The following PRKG1 variants were observed in gnomAD, a reference collection of about 807,000 sequenced individuals.
PRKG1 encodes protein kinase cGMP-dependent 1.
PRKG1 carries 35 observed loss-of-function variants against 88.1 expected under a neutral mutation model. That is an observed-to-expected ratio of 0.40 (90% confidence interval 0.30 to 0.53). The LOEUF is 0.53. Among genes scored for constraint, PRKG1 ranks in the 20% least tolerant of loss-of-function variants. The pLI is 0.59. For missense variants in PRKG1, 540 were observed against 839.8 expected, an observed-to-expected ratio of 0.64 and a Z score of 4.41; for synonymous variants, 303 against 292.5, an observed-to-expected ratio of 1.04 and a Z score of -0.37.
intron 2 of PRKG1, 59 bp from the exon 3 acceptor site, chr10:51,467,664 G>T (rs549323274): frequency 3.6e-6 from 5 of 1,388,590 alleles, no homozygotes; most frequent in East Asian, 2.3e-5. Context: ...CATTAAAAAT[G>T]CAACAAATGA....
chr10:52,059,282 A>G lies in PRKG1; in HGVS notation c.841-3255A>G, dbSNP rs183310734. On this transcript the variant is annotated intron_variant, in intron 6 of 17. Coordinates refer to ENST00000373980, the MANE Select transcript of PRKG1 (RefSeq NM_006258.4). ...CAGTTTCTAATAAAGTTAAATAAAC[A>G]TTTACCGTATGACACAGCAATTACT... is the stretch of plus-strand genomic sequence containing the variant. Among the ~76,000 whole-genome samples, 643 of 152,064 alleles carry G rather than the reference A, an allele frequency of 4.2e-3. 1 individual carries two copies. The highest frequency in any genetic ancestry group is 5.8e-3 in the Admixed American group (89 of 15,274).
chr10:52,096,873 G>A (rs1847185696), intron 7 of PRKG1, among the ~76,000 whole-genome samples: 1 of 152,104 alleles, frequency 6.6e-6, no homozygotes. Context: ...ATGTAATATT[G>A]TAAGTTTCTG....
intron 9 of PRKG1, among the ~76,000 whole-genome samples, chr10:52,248,608 C>A (rs1043553328): frequency 6.6e-5 from 10 of 152,122 alleles, no homozygotes; most frequent in Non-Finnish European, 1.3e-4. Flanking sequence ...AATATCTTTG[C>A]ATCAAAACGT....
chr10:52,133,234 A>T (rs1169180398), intron 7 of PRKG1, among the ~76,000 whole-genome samples: 1 of 152,142 alleles, frequency 6.6e-6, no homozygotes, highest in East Asian at 1.9e-4. Context: ...GCAGTAACAA[A>T]TTAAATGCTT....
chr10:52,061,807 A>G (rs578011600), intron 6 of PRKG1, among the ~76,000 whole-genome samples: 1 of 152,106 alleles, frequency 6.6e-6, no homozygotes, highest in Non-Finnish European at 1.5e-5. Flanking sequence ...ATTTTGAGGG[A>G]TATAGTCAGT....
intron 1 of PRKG1, among the ~76,000 whole-genome samples, chr10:51,101,581 G>A (rs897306166): frequency 1.2e-4 from 18 of 152,090 alleles, no homozygotes; most frequent in African/African-American, 4.3e-4. Context: ...TTTCTAGTTA[G>A]CAATGGAAGA....
intron 2 of PRKG1, among the ~76,000 whole-genome samples, chr10:51,190,647 T>C (rs1254672697): frequency 6.6e-6 from 1 of 151,860 alleles, no homozygotes; most frequent in African/African-American, 2.4e-5. Context: ...CTCTCTTTCC[T>C]TTGTTCTTCT....
At chr10:52,210,302 C>T (rs748711565) in intron 9 of PRKG1, among the ~76,000 whole-genome samples, 33 of 151,804 alleles carry the variant, frequency 2.2e-4, no homozygotes, top group Non-Finnish European at 4.3e-4. Flanking sequence ...TGTTAAGTCT[C>T]GGCCACTAGA....
intron 2 of PRKG1, among the ~76,000 whole-genome samples, chr10:51,244,370 A>G (rs1175030214): frequency 6.8e-6 from 1 of 147,898 alleles, no homozygotes; most frequent in African/African-American, 2.5e-5. Context: ...GATTTGTTGC[A>G]GGTAGCCTGA....
At chr10:51,613,060 G>C (rs1168502266) in intron 3 of PRKG1, among the ~76,000 whole-genome samples, 1 of 151,804 alleles carries the variant, frequency 6.6e-6, no homozygotes, top group Non-Finnish European at 1.5e-5. Flanking sequence ...GTTCATTACG[G>C]TATTGGCCTG....
chr10:51,544,807 A>C (rs1470176271), intron 3 of PRKG1, among the ~76,000 whole-genome samples: 1 of 152,162 alleles, frequency 6.6e-6, no homozygotes, highest in African/African-American at 2.4e-5. Context: ...AATATCCAGA[A>C]TCTACCAAGA....
At chr10:51,838,694 T>C (rs889134225) in intron 4 of PRKG1, among the ~76,000 whole-genome samples, 6 of 152,164 alleles carry the variant, frequency 3.9e-5, no homozygotes, top group African/African-American at 1.4e-4. Flanking sequence ...GAATCCTTTT[T>C]TTCTGCCTAA....
At chr10:51,980,647 T>A (rs115448048) in intron 5 of PRKG1, among the ~76,000 whole-genome samples, 2,457 of 152,328 alleles carry the variant, frequency 0.016, 54 homozygotes, top group Middle Eastern at 0.054. Context: ...AGAACTTGCT[T>A]TATAAATCTG....
At chr10:52,041,707 G>T (rs919342187) in intron 5 of PRKG1, among the ~76,000 whole-genome samples, 1 of 151,982 alleles carries the variant, frequency 6.6e-6, no homozygotes, top group Non-Finnish European at 1.5e-5. Context: ...TTCGTAAGTT[G>T]TATGTGTCCA....
At chr10:51,299,225 A>C (rs1345663889) in intron 2 of PRKG1, among the ~76,000 whole-genome samples, 3 of 151,074 alleles carry the variant, frequency 2.0e-5, no homozygotes, top group Non-Finnish European at 4.4e-5. Flanking sequence ...ATGTTTTTTG[A>C]GATGGAGTCT....
At chr10:51,466,316 C>T (rs549031374) in intron 2 of PRKG1, among the ~76,000 whole-genome samples, 35 of 152,126 alleles carry the variant, frequency 2.3e-4, no homozygotes, top group African/African-American at 7.2e-4. Flanking sequence ...AATATTTGGC[C>T]GTACCTGTGT....
At chr10:51,637,162 A>G (rs1839676440) in intron 3 of PRKG1, among the ~76,000 whole-genome samples, 1 of 152,210 alleles carries the variant, frequency 6.6e-6, no homozygotes, top group Admixed American at 6.5e-5. Flanking sequence ...CAAGAAACAT[A>G]TGGAAAAAAA....
At chr10:52,132,440 A>G (rs1447654926) in intron 7 of PRKG1, among the ~76,000 whole-genome samples, 1 of 152,176 alleles carries the variant, frequency 6.6e-6, no homozygotes, top group Non-Finnish European at 1.5e-5. Context: ...AAATACAAAT[A>G]GTTAATTTAA....
chr10:52,069,626 T>C lies in PRKG1; in HGVS notation c.935+6995T>C, dbSNP rs114652466. Among the ~76,000 whole-genome samples, 507 of 152,318 alleles carry C rather than the reference T, an allele frequency of 3.3e-3. 2 individuals are homozygous for C. Among genetic ancestry groups the C allele is most frequent in the African/African-American group, 0.011 (473 of 41,564 alleles). On this transcript the variant is annotated intron_variant, in intron 7 of 17. Transcript: ENST00000373980. ...ATTTTTCCATATTTGAATTTGATTA[T>C]TATTTATTTATATAGAAGTAAAATG...
Sources: gnomAD v4.1 joint callset for allele counts (sites outside exome capture counted in the v4.1 genomes callset) on GRCh38, gnomAD v4.1.1 for gene constraint, MANE v1.5 for transcripts, NCBI Gene and HGNC (gene_info 2026-07-23, HGNC 2026-07-21) for gene names.